Variants in CSMD1 observed in about 807,000 individuals in gnomAD.
The protein encoded by CSMD1 is CUB and Sushi multiple domains 1.
Under a neutral mutation model 417.5 loss-of-function variants are expected in CSMD1, and 213 were observed. That is an observed-to-expected ratio of 0.51 (90% CI 0.46 to 0.57). The LOEUF is 0.57. Ranked by LOEUF, CSMD1 falls within the 20% of genes least tolerant of loss-of-function variation. CSMD1 has a pLI of 0.00. For missense variants in CSMD1, 6,923 were observed against 4,529.7 expected, an observed-to-expected ratio of 1.53 and a Z score of -15.17; for synonymous variants, 2,862 against 1,736.8, an observed-to-expected ratio of 1.65 and a Z score of -16.11.
intron 5 of CSMD1, among the ~76,000 whole-genome samples, chr8:3,911,521 C>A (rs1412287112): frequency 7.1e-6 from 1 of 140,470 alleles, no homozygotes; most frequent in East Asian, 2.1e-4. Context: ...GAGCAAGACT[C>A]CGTCTCAAAA....
intron 12 of CSMD1, among the ~76,000 whole-genome samples, chr8:3,446,917 G>C (rs1450492697): frequency 1.3e-5 from 2 of 152,122 alleles, no homozygotes; most frequent in African/African-American, 4.8e-5. Flanking sequence ...AATTGAGTTG[G>C]GGGAAGAAAG....
intron 3 of CSMD1, among the ~76,000 whole-genome samples, chr8:4,268,687 T>C (rs1355323777): frequency 6.6e-6 from 1 of 152,094 alleles, no homozygotes; most frequent in Non-Finnish European, 1.5e-5. Flanking sequence ...GGAAGATATA[T>C]GTGTATCTCA....
intron 2 of CSMD1, among the ~76,000 whole-genome samples, chr8:4,445,846 T>C (rs1046347751): frequency 4.6e-5 from 7 of 152,212 alleles, no homozygotes; most frequent in African/African-American, 1.7e-4. Flanking sequence ...ATTAACATCT[T>C]CAATGCAGAA....
intron 3 of CSMD1, among the ~76,000 whole-genome samples, chr8:4,162,582 A>G (rs957844787): frequency 3.3e-5 from 5 of 152,048 alleles, no homozygotes; most frequent in Non-Finnish European, 2.9e-5. Flanking sequence ...TTAAATATAG[A>G]TTTTATATTT....
intron 62 of CSMD1, among the ~76,000 whole-genome samples, chr8:2,958,258 C>T (rs1192509030): frequency 2.0e-5 from 3 of 152,194 alleles, no homozygotes; most frequent in Non-Finnish European, 4.4e-5. Context: ...ATGCTTCAAA[C>T]TGTACAAACT....
chr8:4,447,467 G>A (rs1441512752), intron 2 of CSMD1, among the ~76,000 whole-genome samples: 1 of 152,202 alleles, frequency 6.6e-6, no homozygotes, highest in African/African-American at 2.4e-5. Context: ...ATTATTCATA[G>A]ACAGTAAACA....
intron 3 of CSMD1, among the ~76,000 whole-genome samples, chr8:4,065,164 T>A (rs1799180165): frequency 6.6e-6 from 1 of 152,236 alleles, no homozygotes; most frequent in Non-Finnish European, 1.5e-5. Flanking sequence ...TGACACTATT[T>A]ACACAAAACA....
rs184498014 is a variant in CSMD1 at position 3,679,269 on chromosome 8, T to A, written c.1009+29145A>T. 1.8e-4 allele frequency among the ~76,000 whole-genome samples: 27 copies of A among 152,216 alleles called. 1 individual carries two copies. The East Asian group carries it at 5.2e-3, about 29-fold the overall frequency. ...TGGATAAAGAGTCAAGACCCATCAG[T>A]GTGTTGTATTCAGGAAACCCATCTC... On this transcript the variant is annotated intron_variant, in intron 7 of 69. Coordinates refer to ENST00000635120, the MANE Select transcript of CSMD1 (RefSeq NM_033225.6).
At chr8:4,030,734 T>C (rs901489394) in intron 4 of CSMD1, among the ~76,000 whole-genome samples, 6 of 152,188 alleles carry the variant, frequency 3.9e-5, no homozygotes, top group African/African-American at 1.4e-4. Flanking sequence ...AAAATGGGAT[T>C]TTCTTTTCTA....
At chr8:3,300,882 C>A (rs1804338704) in intron 25 of CSMD1, among the ~76,000 whole-genome samples, 2 of 146,114 alleles carry the variant, frequency 1.4e-5, no homozygotes. Flanking sequence ...TTGCTTGAAC[C>A]CAGGAGGCTG....
At chr8:4,590,230 T>C (rs1173204379) in intron 2 of CSMD1, among the ~76,000 whole-genome samples, 2 of 151,948 alleles carry the variant, frequency 1.3e-5, no homozygotes, top group African/African-American at 4.8e-5. Flanking sequence ...GTTACAAGAG[T>C]AGTGTCTAGC....
rs933429571 is a variant in CSMD1, at chr8:3,401,615, A to G, written c.2267-2086T>C. ...TAACTAACAGCCCTGCAACTGTAGTAGCTACAGTTGGAAGTGAATTTCTCA... is the reference window on the plus strand; with the variant it reads ...TAACTAACAGCCCTGCAACTGTAGTGGCTACAGTTGGAAGTGAATTTCTCA... On this transcript the variant is annotated intron_variant, in intron 15 of 69. Transcript: ENST00000635120. 2.0e-5 allele frequency among the ~76,000 whole-genome samples: 3 copies of G among 152,226 alleles called. No individual in the cohort carries two copies. In the East Asian group the frequency reaches 5.8e-4, roughly 29 times the overall value.
At chr8:4,213,193 A>C (rs370834093) in intron 3 of CSMD1, among the ~76,000 whole-genome samples, 7 of 152,112 alleles carry the variant, frequency 4.6e-5, no homozygotes, top group East Asian at 1.9e-4. Context: ...TGAGAATGTG[A>C]ATCATATTTC....
chr8:3,204,574 G>A (rs545987999), intron 31 of CSMD1, among the ~76,000 whole-genome samples: 7 of 152,174 alleles, frequency 4.6e-5, no homozygotes, highest in East Asian at 1.9e-4. Flanking sequence ...CATTACATTC[G>A]TAAGAGGCCC....
chr8:3,464,208 A>T (rs551798863), intron 12 of CSMD1, among the ~76,000 whole-genome samples: 1 of 151,572 alleles, frequency 6.6e-6, no homozygotes, highest in African/African-American at 2.4e-5. Context: ...CTCGAACCGA[A>T]TTTTTTTTTG....
intron 26 of CSMD1, among the ~76,000 whole-genome samples, chr8:3,251,556 T>G (rs1800261779): frequency 6.6e-6 from 1 of 152,194 alleles, no homozygotes; most frequent in African/African-American, 2.4e-5. Context: ...GGCTCTTTTT[T>G]GGTTCCATAT....
At chr8:4,339,066 G>T (rs540927857) in intron 3 of CSMD1, among the ~76,000 whole-genome samples, 1 of 152,046 alleles carries the variant, frequency 6.6e-6, no homozygotes, top group African/African-American at 2.4e-5. Flanking sequence ...ACTATTGCTT[G>T]GGTAGTAGAG....
intron 1 of CSMD1, among the ~76,000 whole-genome samples, chr8:4,718,148 C>T (rs1808808248): frequency 6.6e-6 from 1 of 151,942 alleles, no homozygotes; most frequent in East Asian, 1.9e-4. Flanking sequence ...ATATATTTTA[C>T]ATTATTTTTG....
intron 1 of CSMD1, among the ~76,000 whole-genome samples, chr8:4,720,812 C>G (rs971217371): frequency 1.3e-5 from 2 of 152,088 alleles, no homozygotes; most frequent in Non-Finnish European, 2.9e-5. Flanking sequence ...TAAAGATCAA[C>G]AACGGCCATA....
Sources: allele counts gnomAD v4.1 joint callset (sites outside exome capture counted in the v4.1 genomes callset), GRCh38; gene constraint gnomAD v4.1.1; transcripts MANE v1.5; gene names NCBI Gene and HGNC (gene_info 2026-07-23, HGNC 2026-07-21).